The following DMD variants were observed in gnomAD, a reference collection of about 807,000 sequenced individuals.
DMD encodes mutant dystrophin.
DMD carries 63 observed loss-of-function variants against 330.1 expected under a neutral mutation model. The observed-to-expected ratio is 0.19, with a 90% CI of 0.16 to 0.24. DMD has a LOEUF of 0.24. DMD is among the 10% of genes least tolerant of loss of function. The probability of loss-of-function intolerance (pLI) is 1.00; values close to 1 mark genes in which losing one functional copy is unlikely to be tolerated. For synonymous variants in DMD, 1,223 were observed against 959.8 expected, an observed-to-expected ratio of 1.27 and a Z score of -5.07; for missense variants, 3,344 against 2,684.1, an observed-to-expected ratio of 1.25 and a Z score of -5.43.
intron 63 of DMD, 21 bp from the exon 64 acceptor site, chrX:31,223,142 G>A (rs764650119): frequency 2.5e-6 from 3 of 1,184,532 alleles, no homozygotes; most frequent in Non-Finnish European, 3.4e-6. Context: ...GGAAAACAAA[G>A]AGCATTTGTT....
At chrX:31,549,506 C>T (rs73453973) in intron 55 of DMD, among the ~76,000 whole-genome samples, 1,631 of 112,007 alleles carry the variant, frequency 0.015, 30 homozygotes, top group African/African-American at 0.05. Context: ...AACTCTGCTA[C>T]TGTGTATGTG....
intron 56 of DMD, among the ~76,000 whole-genome samples, chrX:31,504,125 CAA>C (rs1425583640): frequency 9.0e-6 from 1 of 110,915 alleles, no homozygotes; most frequent in East Asian, 2.8e-4. Flanking sequence ...AAGCTTTGAA[CAA>C]AAGAGTAATA....
In DMD at chrX:31,515,210, AT is replaced by A. The variant is rs766044717; in HGVS notation, c.8218-7758del. Among the ~76,000 whole-genome samples the A allele has an allele frequency of 4.5e-5, 5 of 111,816 alleles. No individual in the cohort carries two copies. In the South Asian group the frequency reaches 1.9e-3, roughly 42 times the overall value. On this transcript the variant is annotated intron_variant, in intron 55 of 78. Coordinates refer to ENST00000357033, the MANE Select transcript of DMD (RefSeq NM_004006.3). ...TGTACCCTTCTTTTTATTATTAACCATTTTATTAACCATTAAGCAGATGGTT... is the reference window on the plus strand; with the variant it reads ...TGTACCCTTCTTTTTATTATTAACCATTTATTAACCATTAAGCAGATGGTT...
At chrX:33,024,919 T>C (rs751231964) in intron 1 of DMD, among the ~76,000 whole-genome samples, 6 of 111,871 alleles carry the variant, frequency 5.4e-5, no homozygotes, top group Non-Finnish European at 1.1e-4. Flanking sequence ...AATGAGATCA[T>C]TTACTCGTGT....
chrX:33,306,831 G>A (rs2053769898), intron 1 of DMD, among the ~76,000 whole-genome samples: 1 of 111,123 alleles, frequency 9.0e-6, no homozygotes. Flanking sequence ...AAGATACTAT[G>A]GCGCTACCCT....
At chrX:31,992,104 T>C (rs746551046) in intron 44 of DMD, among the ~76,000 whole-genome samples, 2 of 111,479 alleles carry the variant, frequency 1.8e-5, no homozygotes, top group Non-Finnish European at 3.8e-5. Flanking sequence ...TAATGGGAGC[T>C]AATAGACACT....
intron 47 of DMD, among the ~76,000 whole-genome samples, chrX:31,906,497 G>C (rs1387542398): frequency 8.9e-6 from 1 of 112,276 alleles, no homozygotes; most frequent in African/African-American, 3.2e-5. Flanking sequence ...GAAAGTTTCT[G>C]CATCTGGAAG....
chrX:31,141,468 C>T (rs2036037771), intron 76 of DMD, among the ~76,000 whole-genome samples: 1 of 111,620 alleles, frequency 9.0e-6, no homozygotes, highest in South Asian at 3.8e-4. Flanking sequence ...GGAGAGAGAC[C>T]AAAGGCAGAG....
chrX:33,061,501 T>C (rs2094580980), intron 1 of DMD, among the ~76,000 whole-genome samples: 1 of 111,645 alleles, frequency 9.0e-6, no homozygotes, highest in Non-Finnish European at 1.9e-5. Flanking sequence ...GATGGATCAA[T>C]ATATATGGAG....
At chrX:31,904,590 A>G (rs756229258) in intron 47 of DMD, among the ~76,000 whole-genome samples, 2 of 111,623 alleles carry the variant, frequency 1.8e-5, no homozygotes, top group Non-Finnish European at 3.8e-5. Flanking sequence ...GCAAATTGCC[A>G]TGTTAGAGAC....
chrX:31,942,313 C>T (rs2095017749), intron 45 of DMD, among the ~76,000 whole-genome samples: 1 of 111,851 alleles, frequency 8.9e-6, no homozygotes, highest in African/African-American at 3.3e-5. Flanking sequence ...CTTTACACTT[C>T]AGAATAAGAG....
chrX:31,642,935 C>T (rs762034769), intron 54 of DMD, among the ~76,000 whole-genome samples: 13 of 112,128 alleles, frequency 1.2e-4, no homozygotes, highest in Non-Finnish European at 2.4e-4. Flanking sequence ...TATCTGTTCG[C>T]TTTGCGGTGT....
chrX:32,698,983 C>A (rs2063871625), intron 8 of DMD, 129 bp downstream of exon 8: 7 of 578,330 alleles, frequency 1.2e-5, no homozygotes, highest in Non-Finnish European at 2.0e-5. Context: ...TGTACATATA[C>A]ATACATTAGG....
chrX:31,835,510 G>C (rs1232053235), intron 49 of DMD, among the ~76,000 whole-genome samples: 1 of 111,768 alleles, frequency 8.9e-6, no homozygotes, highest in Non-Finnish European at 1.9e-5. Flanking sequence ...TACTGGGCTT[G>C]AACTGGATAC....
intron 42 of DMD, among the ~76,000 whole-genome samples, chrX:32,309,685 CA>C (rs1327673717): frequency 4.5e-5 from 5 of 110,772 alleles, no homozygotes; most frequent in South Asian, 3.7e-4. Context: ...AAATATAAAA[CA>C]AAAACAATAT....
At chrX:31,738,891 TGGACATAG>T (rs1449761741) in intron 51 of DMD, among the ~76,000 whole-genome samples, 13 of 111,864 alleles carry the variant, frequency 1.2e-4, no homozygotes, top group Non-Finnish European at 2.3e-4. Flanking sequence ...ATTGAACTCA[TGGACATAG>T]AGAGTAGAAG....
intron 7 of DMD, among the ~76,000 whole-genome samples, chrX:32,779,693 C>G (rs1296943248): frequency 2.8e-5 from 2 of 71,899 alleles, no homozygotes; most frequent in Admixed American, 2.1e-4. Flanking sequence ...TGGCTGCATA[C>G]GGCCTGTGGT....
At chrX:32,504,760 T>A (rs1188056127) in intron 18 of DMD, among the ~76,000 whole-genome samples, 2 of 110,014 alleles carry the variant, frequency 1.8e-5, no homozygotes, top group Non-Finnish European at 1.9e-5. Flanking sequence ...ACTACTAGAG[T>A]GGGGAGGGAG....
chrX:31,755,701 A>C (rs982382767), intron 51 of DMD, among the ~76,000 whole-genome samples: 1 of 111,806 alleles, frequency 8.9e-6, no homozygotes, highest in Admixed American at 9.5e-5. Context: ...ATTTGACTTT[A>C]TTCTTGGAGT....
Sources: allele counts gnomAD v4.1 joint callset (sites outside exome capture counted in the v4.1 genomes callset), GRCh38; gene constraint gnomAD v4.1.1; transcripts MANE v1.5; gene names NCBI Gene and HGNC (gene_info 2026-07-23, HGNC 2026-07-21).